CDCA7L: variants seen among roughly 807,000 people sequenced by gnomAD.
The protein encoded by CDCA7L is cell division cycle-associated 7-like protein.
A neutral mutation model predicts 57.4 loss-of-function variants in CDCA7L; 44 were observed. The ratio of observed to expected loss-of-function variants is 0.77; its 90% CI spans 0.60 to 0.98. CDCA7L has a LOEUF of 0.98. Among genes scored for constraint, CDCA7L ranks in the 50% least tolerant of loss-of-function variants. CDCA7L has a pLI of 0.00. For missense variants in CDCA7L, 644 were observed against 580.6 expected (o/e 1.11, Z -1.12); for synonymous variants, 236 against 202.8 (o/e 1.16, Z -1.39).
At chr7:21,902,559 G>A in intron 9 of CDCA7L, 1 of 512,118 alleles carries the variant, frequency 2.0e-6, no homozygotes, top group East Asian at 3.8e-5. Context: ...CCGCATTCCA[G>A]AACCACGATT....
At chr7:21,933,124 T>A (rs1583873621) in intron 1 of CDCA7L, among the ~76,000 whole-genome samples, 1 of 152,146 alleles carries the variant, frequency 6.6e-6, no homozygotes, top group African/African-American at 2.4e-5. Context: ...CCAGTTAGAA[T>A]GGCGAACATT....
At chr7:21,922,976 G>A (rs996689790) in intron 1 of CDCA7L, among the ~76,000 whole-genome samples, 13 of 152,112 alleles carry the variant, frequency 8.5e-5, no homozygotes, top group African/African-American at 1.7e-4. Flanking sequence ...TTGAATCCTC[G>A]GAGACAGCAG....
At chr7:21,929,240 C>T (rs996172605) in intron 1 of CDCA7L, among the ~76,000 whole-genome samples, 1 of 152,166 alleles carries the variant, frequency 6.6e-6, no homozygotes, top group Non-Finnish European at 1.5e-5. Flanking sequence ...AAATCCTTTA[C>T]AGACAAGCAA....
intron 7 of CDCA7L, among the ~76,000 whole-genome samples, 162 bp from the exon 8 acceptor site, chr7:21,904,421 G>C (rs1232513888): frequency 1.3e-5 from 2 of 152,116 alleles, no homozygotes; most frequent in East Asian, 1.9e-4. Flanking sequence ...CTCTAGACCG[G>C]GGTCCCCAGC....
At chr7:21,929,101 G>T (rs576340869) in intron 1 of CDCA7L, among the ~76,000 whole-genome samples, 88 of 152,112 alleles carry the variant, frequency 5.8e-4, no homozygotes, top group Non-Finnish European at 1.1e-3. Context: ...GACTAACAGC[G>T]GATCTCTAGG....
In CDCA7L at chr7:21,901,332, A is replaced by C; in HGVS notation, c.*990T>G. The stretch of plus-strand genomic sequence containing the variant: ...GCATGTTGCTGCACTGTTCCCATGC[A>C]CATTATTCTAACTTTTTAGTAACTC... On this transcript the variant is annotated 3_prime_UTR_variant, in exon 10 of 10. Transcript: ENST00000406877. The C allele has an allele frequency of 7.0e-7, 1 of 1,420,020 alleles. No homozygotes were observed. The highest frequency in any genetic ancestry group is 2.4e-5 in the East Asian group (1 of 41,180). The allele number at this position is 1,420,020 out of a possible 1,614,324, so 88.0% of individuals were successfully genotyped here.
intron 1 of CDCA7L, among the ~76,000 whole-genome samples, chr7:21,936,185 A>G (rs535479168): frequency 6.6e-6 from 1 of 152,212 alleles, no homozygotes; most frequent in Non-Finnish European, 1.5e-5. Context: ...TTAAGTAGTA[A>G]TCAAAACCCT....
At chr7:21,934,762 A>G (rs1398493904) in intron 1 of CDCA7L, among the ~76,000 whole-genome samples, 5 of 152,204 alleles carry the variant, frequency 3.3e-5, no homozygotes, top group African/African-American at 1.2e-4. Context: ...ACCAAAAGAG[A>G]GATGGAGTGG....
chr7:21,916,677 T>A lies in CDCA7L; in HGVS notation c.165+77A>T, dbSNP rs562605244. ...AACTGATATCACCAATCTCACACCATGTTCAAATAAAAGAACATCCAAACC... is the reference window on the plus strand; with the variant it reads ...AACTGATATCACCAATCTCACACCAAGTTCAAATAAAAGAACATCCAAACC... On this transcript the variant is annotated intron_variant, in intron 2 of 9. Coordinates refer to ENST00000406877, the MANE Select transcript of CDCA7L (RefSeq NM_018719.5). The A allele has an allele frequency of 7.0e-5, 93 of 1,335,528 alleles. No individual in the cohort carries two copies. The South Asian group carries it at 1.1e-3, about 16-fold the overall frequency. The allele number at this position is 1,335,528 out of a possible 1,614,324, so 82.7% of individuals were successfully genotyped here. A position where few individuals can be genotyped will look rare whatever the true frequency, so the allele number is the denominator to read the frequency against.
chr7:21,905,406 G>C (rs750159283), intron 7 of CDCA7L, 100 bp downstream of exon 7: 184 of 1,332,060 alleles, frequency 1.4e-4, no homozygotes, highest in Non-Finnish European at 1.2e-4. Flanking sequence ...CTGAGCCCTT[G>C]GTGAGATGGC....
Position 21,905,527 on chromosome 7 carries a change from A to G in CDCA7L, c.1026T>C (p.Asp342=). Residue 342 remains aspartate, a synonymous_variant, in exon 7 of 10, where the codon GAT becomes GAC. Coordinates refer to ENST00000406877, the MANE Select transcript of CDCA7L (RefSeq NM_018719.5). ...TTACCAGAACTTTATCATAGATTTT[A>G]TCTCGAACAGTTATGGCAACATTTT... ...DLENVAITVR[D]KIYDKVLGNT... The G allele has an allele frequency of 1.9e-6, 3 of 1,613,830 alleles. No homozygotes were observed. Among genetic ancestry groups the G allele is most frequent in the Middle Eastern group, 1.7e-4 (1 of 6,060 alleles).
chr7:21,906,256 CAAAA>C, intron 6 of CDCA7L, 29 bp downstream of exon 6: 2 of 1,557,290 alleles, frequency 1.3e-6, no homozygotes, highest in Non-Finnish European at 1.7e-6. Flanking sequence ...GTAGCTCAGA[CAAAA>C]ACTAATTCAT....
intron 1 of CDCA7L, among the ~76,000 whole-genome samples, chr7:21,918,709 G>A (rs1401506843): frequency 1.3e-5 from 2 of 152,138 alleles, no homozygotes; most frequent in African/African-American, 4.8e-5. Flanking sequence ...CTACTTTTTA[G>A]GAAGTGCTAT....
At position 21,901,048 on chromosome 7, in the gene CDCA7L, C is replaced by G. The variant is rs751222708; in HGVS notation, c.*1274G>C. ...CCAAGCAGGAACCATTGTTGAAGCC[C>G]GTCTCAAGGAGCTGGCATGCCCTAT... On this transcript the variant is annotated 3_prime_UTR_variant, in exon 10 of 10. Coordinates refer to ENST00000406877, the MANE Select transcript of CDCA7L (RefSeq NM_018719.5). The G allele has an allele frequency of 3.7e-6, 6 of 1,612,600 alleles. No individual in the cohort carries two copies. In the African/African-American group the frequency reaches 8.0e-5, roughly 22 times the overall value.
intron 1 of CDCA7L, chr7:21,944,707 CGGGCA>C (rs1232709254): frequency 6.6e-6 from 1 of 152,108 alleles, no homozygotes; most frequent in Non-Finnish European, 1.5e-5. Flanking sequence ...CCGCCAGACT[CGGGCA>C]GGTGACAGCG....
At chr7:21,940,967 G>C (rs140391779) in intron 1 of CDCA7L, among the ~76,000 whole-genome samples, 10 of 152,302 alleles carry the variant, frequency 6.6e-5, no homozygotes, top group African/African-American at 2.2e-4. Context: ...TTTCAGTCCA[G>C]TTATCATAAG....
chr7:21,911,661 A>AT lies in CDCA7L; in HGVS notation c.258dup (p.Phe87IlefsTer5). 1 of 1,613,846 alleles carries AT rather than the reference A, an allele frequency of 6.2e-7. No homozygotes were observed. The highest frequency in any genetic ancestry group is 1.1e-5 in the South Asian group (1 of 91,070). ...TTTCCATTCAGATCACTCTGCGTAA[A>AT]TCCTGCAAAATCCTCAGTCTCTGAG... On this transcript the variant is annotated frameshift_variant, in exon 3 of 10. Coordinates refer to ENST00000406877, the MANE Select transcript of CDCA7L (RefSeq NM_018719.5). LOFTEE classifies it high-confidence loss of function.
chr7:21,907,571 CAAA>C (rs1785179066), intron 4 of CDCA7L, among the ~76,000 whole-genome samples: 2 of 152,124 alleles, frequency 1.3e-5, no homozygotes, highest in South Asian at 2.1e-4. Context: ...ATATATGTAA[CAAA>C]GATTTCACCT....
chr7:21,904,650 T>G (rs1405800825), intron 7 of CDCA7L, among the ~76,000 whole-genome samples: 1 of 152,204 alleles, frequency 6.6e-6, no homozygotes, highest in Non-Finnish European at 1.5e-5. Flanking sequence ...TGATCTGAGG[T>G]GGAACAGTTT....
Sources: gnomAD v4.1 joint callset for allele counts (sites outside exome capture counted in the v4.1 genomes callset) on GRCh38, gnomAD v4.1.1 for gene constraint, MANE v1.5 for transcripts, NCBI Gene and HGNC (gene_info 2026-07-23, HGNC 2026-07-21) for gene names.